The following PHACTR4 variants were observed in gnomAD, a reference collection of about 807,000 sequenced individuals.
PHACTR4 encodes phosphatase and actin regulator 4.
In PHACTR4, 51 loss-of-function variants were observed where a neutral mutation model predicts 72.7. The observed-to-expected ratio is 0.70, with a 90% CI of 0.56 to 0.89. PHACTR4 has a LOEUF of 0.89. Ranked by LOEUF, PHACTR4 falls within the 40% of genes least tolerant of loss-of-function variation. PHACTR4 has a pLI of 0.00. For missense variants in PHACTR4, 731 were observed against 861.8 expected (o/e 0.85, Z 1.90); for synonymous variants, 255 against 302.5 (o/e 0.84, Z 1.63).
Position 28,473,935 on chromosome 1 carries a change from A to T in PHACTR4, c.1205A>T (p.Asn402Ile), listed in dbSNP as rs1659749272. 1.2e-6 allele frequency: 2 copies of T among 1,614,100 alleles called. No individual in the cohort carries two copies. The highest frequency in any genetic ancestry group is 1.7e-6 in the Non-Finnish European group (2 of 1,180,014). Residue 402 changes from asparagine to isoleucine, a missense_variant, in exon 7 of 14, where the codon AAC becomes ATC. Asn to Ile is a moderately radical substitution (Grantham distance 149). This residue lies in a region of PHACTR4 where 621 missense variants were observed against 676.6 expected (regional missense o/e 0.92). Coordinates refer to ENST00000373839, the MANE Select transcript of PHACTR4 (RefSeq NM_001048183.3). Reference protein sequence around the residue: ...KEVPKRILDQNFGEPHIPSRL... With the variant: ...KEVPKRILDQIFGEPHIPSRL... ...GTCCCCAAGAGGATACTGGACCAGA[A>T]CTTTGGGGAGCCCCATATACCCTCT...
intron 2 of PHACTR4, among the ~76,000 whole-genome samples, chr1:28,437,442 C>T (rs1258151806): frequency 6.6e-6 from 1 of 152,100 alleles, no homozygotes; most frequent in Non-Finnish European, 1.5e-5. Flanking sequence ...GTTACCCACG[C>T]TGATCTCGAG....
At chr1:28,478,870 GC>G (rs1660090681) in intron 8 of PHACTR4, among the ~76,000 whole-genome samples, 1 of 152,112 alleles carries the variant, frequency 6.6e-6, no homozygotes, top group African/African-American at 2.4e-5. Context: ...CAATCCTCCT[GC>G]CTTGGCCTCC....
intron 1 of PHACTR4, among the ~76,000 whole-genome samples, chr1:28,396,034 C>T (rs1215733700): frequency 6.7e-6 from 1 of 148,252 alleles, no homozygotes; most frequent in African/African-American, 2.6e-5. Flanking sequence ...GATTGTAAGT[C>T]TCTATATAAT....
At chr1:28,391,485 G>A (rs1301059341) in intron 1 of PHACTR4, among the ~76,000 whole-genome samples, 1 of 151,728 alleles carries the variant, frequency 6.6e-6, no homozygotes, top group African/African-American at 2.4e-5. Flanking sequence ...CAGGAGCTGG[G>A]TGGGAGTGGA....
At position 28,454,499 on chromosome 1, in the gene PHACTR4, C is replaced by T. The variant is rs141540884; in HGVS notation, c.17-4586C>T. 8.9e-3 allele frequency among the ~76,000 whole-genome samples: 1,354 copies of T among 151,898 alleles called. 17 individuals carry two copies. Among genetic ancestry groups the T allele is most frequent in the African/African-American group, 0.031 (1,283 of 41,468 alleles). On this transcript the variant is annotated intron_variant, in intron 2 of 13. Transcript: ENST00000373839. Reference sequence around the variant, plus strand: ...CACCATGGTCTCGATCTCCTGACCTCGTGATCCGCCCACCTCGGCCTCCCA... The same window carrying T: ...CACCATGGTCTCGATCTCCTGACCTTGTGATCCGCCCACCTCGGCCTCCCA...
At chr1:28,419,810 T>C (rs142256491) in intron 2 of PHACTR4, among the ~76,000 whole-genome samples, 1,604 of 152,296 alleles carry the variant, frequency 0.011, 27 homozygotes, top group African/African-American at 0.037. Flanking sequence ...GATTTAAAAA[T>C]TGATAACATT....
At chr1:28,433,982 G>A (rs1301785746) in intron 2 of PHACTR4, among the ~76,000 whole-genome samples, 3 of 151,584 alleles carry the variant, frequency 2.0e-5, no homozygotes, top group Admixed American at 2.0e-4. Context: ...GTTTCACCAT[G>A]TTGGTCAGGC....
intron 6 of PHACTR4, among the ~76,000 whole-genome samples, chr1:28,469,117 C>A (rs925223164): frequency 5.3e-5 from 8 of 152,156 alleles, no homozygotes; most frequent in African/African-American, 1.9e-4. Flanking sequence ...CTCTTTTATT[C>A]TAAAATTACA....
chr1:28,438,287 G>A (rs1656762067), intron 2 of PHACTR4: 2 of 1,508,620 alleles, frequency 1.3e-6, no homozygotes, highest in East Asian at 2.5e-5. Context: ...ACTGAAAGAG[G>A]ACCGCATGTC....
chr1:28,466,877 T>C, intron 6 of PHACTR4, 109 bp downstream of exon 6: 1 of 1,447,808 alleles, frequency 6.9e-7, no homozygotes, highest in Non-Finnish European at 9.3e-7. Context: ...ATTTTCCATA[T>C]CTTGTCCCTT....
intron 11 of PHACTR4, 93 bp from the exon 12 acceptor site, chr1:28,491,557 A>G (rs956532585): frequency 1.0e-4 from 156 of 1,526,378 alleles, no homozygotes; most frequent in South Asian, 2.3e-4. Context: ...GGTGATTCCA[A>G]TGAAGATTGA....
chr1:28,373,035 G>C (rs1208367506), intron 1 of PHACTR4, among the ~76,000 whole-genome samples: 2 of 151,942 alleles, frequency 1.3e-5, no homozygotes, highest in African/African-American at 4.8e-5. Flanking sequence ...ATGGCCCACT[G>C]TAGCCTCAAC....
intron 9 of PHACTR4, among the ~76,000 whole-genome samples, chr1:28,483,696 G>A (rs1053152872): frequency 2.0e-5 from 3 of 151,276 alleles, no homozygotes; most frequent in South Asian, 2.1e-4. Context: ...CTACTCGGGA[G>A]GCTGAGGCAG....
chr1:28,391,674 T>G (rs367744553), intron 1 of PHACTR4, among the ~76,000 whole-genome samples: 3 of 149,928 alleles, frequency 2.0e-5, no homozygotes, highest in African/African-American at 7.4e-5. Flanking sequence ...GGCATGATCT[T>G]GGCTCACTGC....
chr1:28,432,538 G>A (rs1656345979), intron 2 of PHACTR4, among the ~76,000 whole-genome samples: 2 of 151,718 alleles, frequency 1.3e-5, no homozygotes, highest in South Asian at 4.2e-4. Flanking sequence ...TAGCTACTCC[G>A]GAGGCTGAGG....
intron 1 of PHACTR4, among the ~76,000 whole-genome samples, chr1:28,396,997 T>G (rs1346364819): frequency 6.6e-6 from 1 of 151,968 alleles, no homozygotes; most frequent in Non-Finnish European, 1.5e-5. Flanking sequence ...CTGGCCGTGA[T>G]ATGCTTTTAA....
chr1:28,438,127 G>A, intron 2 of PHACTR4: 2 of 1,149,510 alleles, frequency 1.7e-6, no homozygotes, highest in Non-Finnish European at 2.1e-6. Flanking sequence ...GCTCTACACA[G>A]TGTGCATTCT....
chr1:28,459,355 T>A, intron 3 of PHACTR4, 97 bp downstream of exon 3: 2 of 986,716 alleles, frequency 2.0e-6, no homozygotes, highest in Non-Finnish European at 3.0e-6. Context: ...TGTAGTCCTC[T>A]ATTTGAAGAG....
intron 2 of PHACTR4, among the ~76,000 whole-genome samples, chr1:28,409,580 C>A (rs1415475763): frequency 6.6e-6 from 1 of 152,156 alleles, no homozygotes; most frequent in African/African-American, 2.4e-5. Flanking sequence ...CCGATTCAAG[C>A]ATTTTCTGAT....
Sources: allele counts gnomAD v4.1 joint callset (sites outside exome capture counted in the v4.1 genomes callset), GRCh38; gene constraint gnomAD v4.1.1; regional missense constraint gnomAD v4.1.1; transcripts MANE v1.5; gene names NCBI Gene and HGNC (gene_info 2026-07-23, HGNC 2026-07-21).